Variants in LRRTM4 observed in about 807,000 individuals in gnomAD.
LRRTM4 encodes the protein leucine-rich repeat transmembrane neuronal protein 4.
Under a neutral mutation model 47.6 loss-of-function variants are expected in LRRTM4, and 25 were observed. That is an observed-to-expected ratio of 0.53 (90% CI 0.38 to 0.73). The LOEUF (loss-of-function observed/expected upper bound fraction) is 0.73, where lower values mean the gene tolerates loss of function less well. LRRTM4 is among the 30% of genes least tolerant of loss of function. The pLI, the probability that LRRTM4 is intolerant of heterozygous loss-of-function variation, is 0.00. For synonymous variants in LRRTM4, 311 were observed against 269.5 expected (o/e 1.15, Z -1.51); for missense variants, 638 against 713.4 (o/e 0.89, Z 1.20).
intron 3 of LRRTM4, among the ~76,000 whole-genome samples, chr2:77,411,751 T>A (rs1378618478): frequency 1.3e-5 from 2 of 151,034 alleles, no homozygotes; most frequent in African/African-American, 4.9e-5. Flanking sequence ...ATTACAGATG[T>A]AAGCCACCGC....
chr2:77,352,391 G>A (rs773548722), intron 3 of LRRTM4, among the ~76,000 whole-genome samples: 3 of 151,948 alleles, frequency 2.0e-5, no homozygotes, highest in Non-Finnish European at 2.9e-5. Context: ...CTAACACACC[G>A]AAGACAGATT....
chr2:77,517,694 A>AC (rs376357631), intron 3 of LRRTM4: 3 of 877,860 alleles, frequency 3.4e-6, no homozygotes, highest in Non-Finnish European at 4.0e-6. Context: ...AAAGAAGGAA[A>AC]CAAAAAAAAA....
intron 3 of LRRTM4, among the ~76,000 whole-genome samples, chr2:76,889,431 C>T (rs1208810108): frequency 2.6e-5 from 4 of 151,862 alleles, no homozygotes; most frequent in Non-Finnish European, 5.9e-5. Flanking sequence ...CTTTCGTTTT[C>T]AATGGGATTA....
intron 3 of LRRTM4, among the ~76,000 whole-genome samples, chr2:77,308,506 G>C (rs938695853): frequency 1.3e-5 from 2 of 151,988 alleles, no homozygotes; most frequent in African/African-American, 2.4e-5. Context: ...TTCCTCATGT[G>C]AGTTTTGTAG....
intron 3 of LRRTM4, among the ~76,000 whole-genome samples, chr2:77,315,108 A>T (rs2104209641): frequency 6.6e-6 from 1 of 152,292 alleles, no homozygotes; most frequent in South Asian, 2.1e-4. Context: ...CATCGTAAGG[A>T]GAGAAGCATC....
At chr2:76,977,604 C>A (rs1676463296) in intron 3 of LRRTM4, among the ~76,000 whole-genome samples, 1 of 151,944 alleles carries the variant, frequency 6.6e-6, no homozygotes, top group African/African-American at 2.4e-5. Flanking sequence ...AATGCAATAA[C>A]CATCACTAAC....
chr2:76,906,332 A>G (rs186863038), intron 3 of LRRTM4, among the ~76,000 whole-genome samples: 319 of 152,266 alleles, frequency 2.1e-3, no homozygotes, highest in African/African-American at 7.3e-3. Context: ...GCCCTAAAAG[A>G]GCTCCTGAAG....
At chr2:76,885,407 A>G (rs993691512) in intron 3 of LRRTM4, among the ~76,000 whole-genome samples, 1 of 151,578 alleles carries the variant, frequency 6.6e-6, no homozygotes, top group African/African-American at 2.4e-5. Flanking sequence ...CAACCAAAAT[A>G]TATGCAGGAT....
At chr2:76,877,549 G>A (rs1013046662) in intron 3 of LRRTM4, among the ~76,000 whole-genome samples, 19 of 152,088 alleles carry the variant, frequency 1.2e-4, no homozygotes, top group African/African-American at 4.6e-4. Flanking sequence ...AAATAAAAAT[G>A]TCTTACCTCA....
At chr2:77,069,433 GT>G (rs1680076045) in intron 3 of LRRTM4, among the ~76,000 whole-genome samples, 1 of 150,454 alleles carries the variant, frequency 6.6e-6, no homozygotes, top group Non-Finnish European at 1.5e-5. Context: ...GTGTGTGTGT[GT>G]GTGTTTGTGT....
intron 3 of LRRTM4, among the ~76,000 whole-genome samples, chr2:76,776,998 C>A (rs1674041211): frequency 7.6e-6 from 1 of 131,350 alleles, no homozygotes; most frequent in Non-Finnish European, 1.6e-5. Flanking sequence ...TTTCCCAGCA[C>A]CATTTATTAA....
intron 3 of LRRTM4, among the ~76,000 whole-genome samples, chr2:77,498,043 G>T (rs760221137): frequency 5.9e-5 from 9 of 151,842 alleles, no homozygotes; most frequent in Admixed American, 1.3e-4. Flanking sequence ...AACATGGCAG[G>T]GCTAGTGTTT....
At chr2:76,777,562 T>C (rs1180469782) in intron 3 of LRRTM4, among the ~76,000 whole-genome samples, 1 of 141,652 alleles carries the variant, frequency 7.1e-6, no homozygotes, top group African/African-American at 2.7e-5. Context: ...TCTCTGTTTG[T>C]CTGTTGTTGG....
intron 3 of LRRTM4, among the ~76,000 whole-genome samples, chr2:76,954,916 C>CAAAACA (rs1425556443): frequency 3.8e-4 from 58 of 151,224 alleles, no homozygotes; most frequent in Non-Finnish European, 7.2e-4. Context: ...GTGCTGGGGA[C>CAAAACA]AAAACAAAAA....
At chr2:77,410,073 A>T (rs559291697) in intron 3 of LRRTM4, among the ~76,000 whole-genome samples, 1 of 152,310 alleles carries the variant, frequency 6.6e-6, no homozygotes, top group African/African-American at 2.4e-5. Context: ...TGTCAATATC[A>T]TCTATATCTA....
At chr2:76,945,813 G>A (rs1675305200) in intron 3 of LRRTM4, among the ~76,000 whole-genome samples, 1 of 151,668 alleles carries the variant, frequency 6.6e-6, no homozygotes, top group South Asian at 2.1e-4. Context: ...TTACAGAAAA[G>A]TAGACTTTTG....
At chr2:77,498,081 G>A (rs1299492268) in intron 3 of LRRTM4, among the ~76,000 whole-genome samples, 1 of 151,780 alleles carries the variant, frequency 6.6e-6, no homozygotes, top group Admixed American at 6.6e-5. Context: ...ACTTCAAAAT[G>A]TTTCTGAAGA....
chr2:77,521,144 G>C (rs1034535248), intron 2 of LRRTM4, among the ~76,000 whole-genome samples: 3 of 151,736 alleles, frequency 2.0e-5, no homozygotes, highest in African/African-American at 7.3e-5. Context: ...AGAAAGGGGG[G>C]GAAAAAAGCC....
At chr2:77,337,874 G>T (rs1671223119) in intron 3 of LRRTM4, among the ~76,000 whole-genome samples, 3 of 151,904 alleles carry the variant, frequency 2.0e-5, no homozygotes, top group African/African-American at 7.3e-5. Flanking sequence ...GCAAAATATA[G>T]TACTGGTACA....
Sources: allele counts gnomAD v4.1 joint callset (sites outside exome capture counted in the v4.1 genomes callset), GRCh38; gene constraint gnomAD v4.1.1; transcripts MANE v1.5; gene names NCBI Gene and HGNC (gene_info 2026-07-23, HGNC 2026-07-21).